The following ANKRD44 variants were observed in gnomAD, a reference collection of about 807,000 sequenced individuals.
ANKRD44 encodes ankyrin repeat domain 44, also known as serine/threonine-protein phosphatase 6 regulatory ankyrin repeat subunit B.
Under a neutral mutation model 116.0 loss-of-function variants are expected in ANKRD44, and 35 were observed. The observed-to-expected ratio is 0.30, with a 90% CI of 0.23 to 0.40. ANKRD44 has a LOEUF of 0.40. Ranked by LOEUF, ANKRD44 falls within the 10% of genes least tolerant of loss-of-function variation. ANKRD44 has a pLI of 1.00. For missense variants in ANKRD44, 1,014 were observed against 1,242.6 expected (o/e 0.82, Z 2.77); for synonymous variants, 435 against 461.8 (o/e 0.94, Z 0.74).
At position 197,268,735 on chromosome 2, in the gene ANKRD44, A is replaced by G. The variant is rs545094072; in HGVS notation, c.27+41843T>C. Among the ~76,000 whole-genome samples the G allele has an allele frequency of 2.0e-5, 3 of 152,290 alleles. No homozygotes were observed. In the East Asian group the frequency reaches 5.8e-4, roughly 29 times the overall value. On this transcript the variant is annotated intron_variant, in intron 1 of 27. Coordinates refer to ENST00000282272, the MANE Select transcript of ANKRD44 (RefSeq NM_001195144.2). ...GTATGTCTGCATGCATCTGCTTTTC[A>G]TGGGCTTAAGGAATCAGCCTGGACT...
Position 197,125,368 on chromosome 2 carries a change from A to G in ANKRD44, c.550+13T>C, listed in dbSNP as rs771917331. The G allele has an allele frequency of 4.6e-5, 74 of 1,612,692 alleles. No homozygotes were observed. Among genetic ancestry groups the G allele is most frequent in the Non-Finnish European group, 6.1e-5 (72 of 1,178,744 alleles). ...GTTATCTGTACTTTGCTTTCCATGC[A>G]TGGAATCCTTACCCATGTATGCTGC... On this transcript the variant is annotated intron_variant, in intron 6 of 27. Transcript: ENST00000282272.
chr2:197,297,806 A>C (rs1178314502), intron 1 of ANKRD44, among the ~76,000 whole-genome samples: 2 of 152,240 alleles, frequency 1.3e-5, no homozygotes, highest in African/African-American at 2.4e-5. Flanking sequence ...GCTACTTAAA[A>C]AGATTGTTTC....
intron 8 of ANKRD44, among the ~76,000 whole-genome samples, chr2:197,117,236 TATTA>T (rs1384707135): frequency 6.6e-6 from 1 of 151,974 alleles, no homozygotes; most frequent in Non-Finnish European, 1.5e-5. Context: ...TTCCTTCCTT[TATTA>T]TTTATTTATT....
At position 197,310,217 on chromosome 2, in the gene ANKRD44, C is replaced by A. The variant is rs528302123; in HGVS notation, c.27+361G>T. 2.6e-5 allele frequency among the ~76,000 whole-genome samples: 4 copies of A among 151,882 alleles called. No homozygotes were observed. The South Asian group carries it at 6.2e-4, about 24-fold the overall frequency. On this transcript the variant is annotated intron_variant, in intron 1 of 27. Coordinates refer to ENST00000282272, the MANE Select transcript of ANKRD44 (RefSeq NM_001195144.2). ...GTGCAGCGTCCTCCTCCCCGGGGCC[C>A]GGGCCGGCGGCGCCCACGCAACGCG...
At chr2:197,281,299 T>A (rs1228255134) in intron 1 of ANKRD44, among the ~76,000 whole-genome samples, 1 of 152,132 alleles carries the variant, frequency 6.6e-6, no homozygotes, top group African/African-American at 2.4e-5. Context: ...TATTGTAAAT[T>A]CCATTAAGGC....
At chr2:196,991,032 T>C (rs913375612) in intron 27 of ANKRD44, 9 of 1,037,366 alleles carry the variant, frequency 8.7e-6, no homozygotes, top group Non-Finnish European at 9.9e-6. Context: ...GAGATGTATG[T>C]TGAGTTAGAA....
chr2:196,970,385 C>T (rs1280295046), intron 21 of ANKRD44, among the ~76,000 whole-genome samples: 3 of 152,064 alleles, frequency 2.0e-5, no homozygotes, highest in African/African-American at 4.8e-5. Flanking sequence ...GTCAAATCTC[C>T]GTGTTTTACA....
intron 2 of ANKRD44, among the ~76,000 whole-genome samples, chr2:197,163,563 G>T (rs745529580): frequency 1.3e-5 from 2 of 152,214 alleles, no homozygotes; most frequent in African/African-American, 4.8e-5. Flanking sequence ...ATTTCCAGGC[G>T]TAGGAAATCT....
intron 2 of ANKRD44, among the ~76,000 whole-genome samples, chr2:197,159,491 TA>T (rs59836687): frequency 6.6e-6 from 1 of 152,144 alleles, no homozygotes; most frequent in African/African-American, 2.4e-5. Context: ...ACTTTCCTAT[TA>T]AAAAAATACA....
intron 16 of ANKRD44, among the ~76,000 whole-genome samples, chr2:197,033,294 G>A (rs2076742420): frequency 1.3e-5 from 2 of 152,180 alleles, no homozygotes; most frequent in Non-Finnish European, 2.9e-5. Flanking sequence ...TGGTGATGAT[G>A]ATGATGGTGG....
At chr2:197,218,911 C>T (rs1415810915) in intron 1 of ANKRD44, among the ~76,000 whole-genome samples, 1 of 151,310 alleles carries the variant, frequency 6.6e-6, no homozygotes, top group Non-Finnish European at 1.5e-5. Context: ...AGGCACCCAC[C>T]ACCACGCCCA....
intron 1 of ANKRD44, among the ~76,000 whole-genome samples, chr2:197,188,689 G>A (rs778219879): frequency 7.9e-5 from 12 of 152,250 alleles, no homozygotes; most frequent in South Asian, 2.1e-4. Flanking sequence ...AATGTTTCAC[G>A]ATGACAAGAT....
At position 197,013,717 on chromosome 2, in the gene ANKRD44, AAAG is replaced by A. The variant is rs2076337854; in HGVS notation, c.1723-8_1723-6del. On this transcript the variant is annotated splice_region_variant and splice_polypyrimidine_tract_variant and intron_variant, in intron 17 of 27. Transcript: ENST00000282272. ...TTGATGGTGCCCATTGTAGGCCTGC[AAAG>A]AAGAAACCAATGGCTCCCATGCTTG... The A allele has an allele frequency of 4.3e-6, 7 of 1,612,452 alleles. No homozygotes were observed. In the East Asian group the frequency reaches 1.6e-4, roughly 36 times the overall value.
chr2:197,182,252 T>C (rs934419130), intron 2 of ANKRD44, among the ~76,000 whole-genome samples: 4 of 152,238 alleles, frequency 2.6e-5, no homozygotes, highest in Admixed American at 2.6e-4. Context: ...GAGTGTACAA[T>C]GATCATCCCA....
At chr2:197,197,792 A>T (rs2125645268) in intron 1 of ANKRD44, among the ~76,000 whole-genome samples, 1 of 130,428 alleles carries the variant, frequency 7.7e-6, no homozygotes, top group Non-Finnish European at 1.6e-5. Flanking sequence ...CCTGGGTGAC[A>T]GAGTGAAATC....
At chr2:197,164,895 T>C (rs2125515429) in intron 2 of ANKRD44, among the ~76,000 whole-genome samples, 1 of 152,202 alleles carries the variant, frequency 6.6e-6, no homozygotes, top group South Asian at 2.1e-4. Context: ...TAGTGGGCCC[T>C]GGAGGCGGAA....
At chr2:197,129,140 CTT>C (rs761063333) in intron 4 of ANKRD44, among the ~76,000 whole-genome samples, 18 of 141,990 alleles carry the variant, frequency 1.3e-4, no homozygotes, top group Non-Finnish European at 1.2e-4. Flanking sequence ...GTTTCTTTTT[CTT>C]TTTTTTTTTT....
chr2:197,129,220 T>C (rs898006152), intron 4 of ANKRD44, among the ~76,000 whole-genome samples: 5 of 151,954 alleles, frequency 3.3e-5, no homozygotes, highest in Admixed American at 2.0e-4. Flanking sequence ...CACTGCAACC[T>C]GTGCCTCAGT....
At chr2:197,143,096 T>C (rs1316688851) in intron 3 of ANKRD44, among the ~76,000 whole-genome samples, 1 of 150,464 alleles carries the variant, frequency 6.6e-6, no homozygotes, top group African/African-American at 2.4e-5. Flanking sequence ...TTTTCTTCTT[T>C]CAACCCAGAA....
Sources: allele counts gnomAD v4.1 joint callset (sites outside exome capture counted in the v4.1 genomes callset), GRCh38; gene constraint gnomAD v4.1.1; transcripts MANE v1.5; gene names NCBI Gene and HGNC (gene_info 2026-07-23, HGNC 2026-07-21).